CACNA2D1: variants seen among roughly 807,000 people sequenced by gnomAD.
CACNA2D1 encodes calcium voltage-gated channel auxiliary subunit alpha2delta 1, also known as voltage-dependent calcium channel subunit alpha-2/delta-1.
A neutral mutation model predicts 171.5 loss-of-function variants in CACNA2D1; 53 were observed. That is an observed-to-expected ratio of 0.31 (90% CI 0.25 to 0.39). The LOEUF is 0.39. Ranked by LOEUF, CACNA2D1 falls within the 10% of genes least tolerant of loss-of-function variation. CACNA2D1 has a pLI of 1.00. For synonymous variants in CACNA2D1, 442 were observed against 443.1 expected (o/e 1.00, Z 0.03); for missense variants, 903 against 1,299.8 (o/e 0.69, Z 4.69).
intron 38 of CACNA2D1, among the ~76,000 whole-genome samples, chr7:81,955,198 A>G (rs1465186298): frequency 6.6e-6 from 1 of 152,110 alleles, no homozygotes; most frequent in Non-Finnish European, 1.5e-5. Flanking sequence ...TGTATAATCT[A>G]TATCCTTCCG....
At chr7:81,967,274 G>A in intron 30 of CACNA2D1, 67 bp from the exon 31 acceptor site, 1 of 1,186,268 alleles carries the variant, frequency 8.4e-7, no homozygotes, top group African/African-American at 1.5e-5. Context: ...TTATTACCAT[G>A]TTATAATTAG....
At chr7:82,257,454 T>G (rs1806446807) in intron 3 of CACNA2D1, among the ~76,000 whole-genome samples, 1 of 152,220 alleles carries the variant, frequency 6.6e-6, no homozygotes, top group Non-Finnish European at 1.5e-5. Flanking sequence ...CAACTGGCAA[T>G]TCAATCCACT....
chr7:82,233,462 G>C (rs1803187364), intron 3 of CACNA2D1, among the ~76,000 whole-genome samples: 2 of 152,068 alleles, frequency 1.3e-5, no homozygotes, highest in South Asian at 4.1e-4. Flanking sequence ...TGCCTTCACA[G>C]ATTTTTTTTT....
intron 1 of CACNA2D1, among the ~76,000 whole-genome samples, chr7:82,368,814 T>C (rs531460723): frequency 1.3e-5 from 2 of 152,310 alleles, no homozygotes; most frequent in East Asian, 1.9e-4. Context: ...CTAATCCTCC[T>C]ACACTTCCAA....
chr7:82,240,939 C>A (rs1477806229), intron 3 of CACNA2D1, among the ~76,000 whole-genome samples: 1 of 151,730 alleles, frequency 6.6e-6, no homozygotes, highest in Non-Finnish European at 1.5e-5. Flanking sequence ...TGCACTCCAG[C>A]CTGGGCGACA....
chr7:82,003,908 G>A (rs911716602), intron 18 of CACNA2D1, among the ~76,000 whole-genome samples: 1 of 151,962 alleles, frequency 6.6e-6, no homozygotes, highest in Non-Finnish European at 1.5e-5. Flanking sequence ...ACCACACCCG[G>A]CTAATTTTGT....
At chr7:81,967,852 T>G (rs1197208193) in intron 29 of CACNA2D1, among the ~76,000 whole-genome samples, 189 bp from the exon 30 acceptor site, 1 of 151,376 alleles carries the variant, frequency 6.6e-6, no homozygotes, top group African/African-American at 2.4e-5. Flanking sequence ...CACAAAAGAG[T>G]GTATTCATTA....
intron 38 of CACNA2D1, among the ~76,000 whole-genome samples, chr7:81,951,603 C>T (rs998070863): frequency 6.6e-6 from 1 of 152,018 alleles, no homozygotes; most frequent in African/African-American, 2.4e-5. Flanking sequence ...TTTGGTTTTC[C>T]ATTCATGAGT....
chr7:82,397,710 T>C (rs1189386833), intron 1 of CACNA2D1, among the ~76,000 whole-genome samples: 1 of 152,230 alleles, frequency 6.6e-6, no homozygotes, highest in Non-Finnish European at 1.5e-5. Context: ...TATTGCCATA[T>C]TAACGAATGT....
At chr7:82,295,517 TC>T (rs1430125246) in intron 3 of CACNA2D1, among the ~76,000 whole-genome samples, 1 of 151,678 alleles carries the variant, frequency 6.6e-6, no homozygotes, top group Non-Finnish European at 1.5e-5. Flanking sequence ...CTAATTTCTT[TC>T]TTTCTTTTTT....
intron 5 of CACNA2D1, among the ~76,000 whole-genome samples, chr7:82,128,794 T>C (rs1790632169): frequency 6.6e-6 from 1 of 152,114 alleles, no homozygotes; most frequent in African/African-American, 2.4e-5. Flanking sequence ...TACTACTTCA[T>C]CTCTACTCAT....
intron 3 of CACNA2D1, among the ~76,000 whole-genome samples, chr7:82,197,120 T>G (rs1241413991): frequency 6.6e-6 from 1 of 152,014 alleles, no homozygotes; most frequent in African/African-American, 2.4e-5. Flanking sequence ...GAAGAAAATG[T>G]GTCTCCAAGG....
At chr7:82,227,774 T>G in intron 3 of CACNA2D1, among the ~76,000 whole-genome samples, 1 of 152,230 alleles carries the variant, frequency 6.6e-6, no homozygotes, top group Non-Finnish European at 1.5e-5. Flanking sequence ...GTGAATAGTC[T>G]ATATATTTTA....
At chr7:82,223,783 A>G (rs1402056459) in intron 3 of CACNA2D1, among the ~76,000 whole-genome samples, 1 of 152,134 alleles carries the variant, frequency 6.6e-6, no homozygotes, top group Non-Finnish European at 1.5e-5. Context: ...AGTCTCCACA[A>G]AGGAGCCATA....
rs565121488 is a variant in CACNA2D1 at position 82,150,257 on chromosome 7, T to TAAAAAAAAAA, written c.355-13591_355-13582dup. 7.4e-4 allele frequency among the ~76,000 whole-genome samples: 69 copies of TAAAAAAAAAA among 92,814 alleles called. 7 individuals carry two copies. Among genetic ancestry groups the TAAAAAAAAAA allele is most frequent in the Admixed American group, 1.2e-3 (10 of 8,012 alleles). 60.9% of individuals were successfully genotyped at this position (92,814 alleles called of 152,430 possible). A position where few individuals can be genotyped will look rare whatever the true frequency, so the allele number is the denominator to read the frequency against. On this transcript the variant is annotated intron_variant, in intron 4 of 38. Coordinates refer to ENST00000356860, the MANE Select transcript of CACNA2D1 (RefSeq NM_000722.4). ...CTAACTGCTTTGCTTTAGATCAAAT[T>TAAAAAAAAAA]AAAAAAAAAAAACAAAAACAACAAC... is the stretch of plus-strand genomic sequence containing the variant.
intron 1 of CACNA2D1, among the ~76,000 whole-genome samples, chr7:82,380,823 T>C (rs965655212): frequency 6.6e-6 from 1 of 151,804 alleles, no homozygotes; most frequent in African/African-American, 2.4e-5. Context: ...GCCTACCGAG[T>C]AGCTGGGACC....
At chr7:82,062,929 T>C (rs1290717098) in intron 9 of CACNA2D1, among the ~76,000 whole-genome samples, 1 of 151,898 alleles carries the variant, frequency 6.6e-6, no homozygotes, top group East Asian at 1.9e-4. Context: ...GTATTTGTTG[T>C]AGAAATGAGA....
intron 37 of CACNA2D1, 114 bp downstream of exon 37, chr7:81,959,606 G>T: frequency 8.6e-7 from 1 of 1,163,122 alleles, no homozygotes; most frequent in Non-Finnish European, 1.2e-6. Flanking sequence ...CTGCCTTTGC[G>T]AGGTGATCAG....
At chr7:82,131,847 C>T (rs1283654443) in intron 5 of CACNA2D1, among the ~76,000 whole-genome samples, 1 of 152,058 alleles carries the variant, frequency 6.6e-6, no homozygotes, top group Non-Finnish European at 1.5e-5. Context: ...TTTGTGAACA[C>T]CTGATATATA....
Sources: allele counts gnomAD v4.1 joint callset (sites outside exome capture counted in the v4.1 genomes callset), GRCh38; gene constraint gnomAD v4.1.1; transcripts MANE v1.5; gene names NCBI Gene and HGNC (gene_info 2026-07-23, HGNC 2026-07-21).